Variants in SHB observed in about 807,000 individuals in gnomAD.
SHB encodes the protein SH2 domain containing adaptor protein B.
SHB carries 20 observed loss-of-function variants against 52.3 expected under a neutral mutation model. That is an observed-to-expected ratio of 0.38 (90% CI 0.27 to 0.56). The LOEUF (loss-of-function observed/expected upper bound fraction) is 0.56. Among genes scored for constraint, SHB ranks in the 20% least tolerant of loss-of-function variants. SHB has a pLI of 0.71. For missense variants in SHB, 825 were observed against 723.3 expected (o/e 1.14, Z -1.61); for synonymous variants, 397 against 316.5 (o/e 1.25, Z -2.70).
chr9:37,947,516 C>T (rs946799806), intron 5 of SHB, among the ~76,000 whole-genome samples: 1 of 152,252 alleles, frequency 6.6e-6, no homozygotes, highest in Non-Finnish European at 1.5e-5. Flanking sequence ...TCTCTCTTCT[C>T]TAGGTGGACT....
At chr9:38,021,243 G>A (rs1821279132) in intron 1 of SHB, among the ~76,000 whole-genome samples, 1 of 152,144 alleles carries the variant, frequency 6.6e-6, no homozygotes, top group African/African-American at 2.4e-5. Context: ...GGGAGGCTGA[G>A]GCAGGAGAAT....
chr9:38,034,310 AAC>A (rs1167494725), intron 1 of SHB, among the ~76,000 whole-genome samples: 3 of 152,228 alleles, frequency 2.0e-5, no homozygotes, highest in African/African-American at 7.2e-5. Context: ...CATGTGGTCT[AAC>A]ACAGCTTCCC....
chr9:38,044,795 T>C (rs1240737373), intron 1 of SHB, among the ~76,000 whole-genome samples: 1 of 152,228 alleles, frequency 6.6e-6, no homozygotes, highest in African/African-American at 2.4e-5. Flanking sequence ...AGATCACTTA[T>C]CTGACAAGCA....
At chr9:38,027,471 C>G (rs187149002) in intron 1 of SHB, among the ~76,000 whole-genome samples, 107 of 152,206 alleles carry the variant, frequency 7.0e-4, no homozygotes, top group Non-Finnish European at 1.2e-3. Context: ...ACAGGCCATG[C>G]CTTTTAGTCT....
At chr9:38,007,165 G>A (rs573713922) in intron 2 of SHB, among the ~76,000 whole-genome samples, 9 of 152,350 alleles carry the variant, frequency 5.9e-5, no homozygotes, top group African/African-American at 2.2e-4. Context: ...ATGAATGAAT[G>A]CACTGCATTT....
chr9:38,037,052 C>T (rs577329396), intron 1 of SHB, among the ~76,000 whole-genome samples: 20 of 152,278 alleles, frequency 1.3e-4, no homozygotes, highest in African/African-American at 4.6e-4. Flanking sequence ...TGCAGGACCC[C>T]GCAGCACGGG....
At chr9:37,920,948 T>G (rs546622616) in intron 5 of SHB, among the ~76,000 whole-genome samples, 1 of 152,132 alleles carries the variant, frequency 6.6e-6, no homozygotes, top group Non-Finnish European at 1.5e-5. Flanking sequence ...GCAGCCTGCC[T>G]GCATCAGCTC....
chr9:37,922,381 A>G (rs1423800572), intron 5 of SHB, among the ~76,000 whole-genome samples: 2 of 152,226 alleles, frequency 1.3e-5, no homozygotes, highest in African/African-American at 4.8e-5. Flanking sequence ...CTCTGTTCCC[A>G]GGTTAGGGGC....
At chr9:38,007,796 A>G (rs1429603953) in intron 2 of SHB, among the ~76,000 whole-genome samples, 1 of 152,218 alleles carries the variant, frequency 6.6e-6, no homozygotes, top group African/African-American at 2.4e-5. Flanking sequence ...AGTATGTAAT[A>G]TGCTAAATAA....
In SHB at chr9:37,999,464, T is replaced by C. The variant is rs546327390; in HGVS notation, c.838+16547A>G. The stretch of plus-strand genomic sequence containing the variant: ...TTTCAAATACACTAAAAAAAATTAT[T>C]TAAAGGTATATATGCTACAATTAGG... On this transcript the variant is annotated intron_variant, in intron 2 of 5. Transcript: ENST00000377707. Among the ~76,000 whole-genome samples, 12 of 152,252 alleles carry C rather than the reference T, an allele frequency of 7.9e-5. No individual in the cohort carries two copies. In the South Asian group the frequency reaches 2.3e-3, roughly 29 times the overall value.
intron 2 of SHB, among the ~76,000 whole-genome samples, chr9:37,998,737 G>A (rs1447191675): frequency 1.3e-5 from 2 of 152,240 alleles, no homozygotes; most frequent in Non-Finnish European, 2.9e-5. Flanking sequence ...ACAGGTGTGA[G>A]CTGCCCTGCC....
chr9:37,942,857 G>A (rs575557479), intron 5 of SHB, among the ~76,000 whole-genome samples: 1 of 152,102 alleles, frequency 6.6e-6, no homozygotes, highest in African/African-American at 2.4e-5. Flanking sequence ...CCCAGCTCTC[G>A]GTCTGTGCCA....
chr9:38,018,320 C>A (rs960399955), intron 1 of SHB, among the ~76,000 whole-genome samples: 10 of 152,128 alleles, frequency 6.6e-5, no homozygotes, highest in African/African-American at 2.4e-4. Flanking sequence ...TGTGATTCAG[C>A]AAGTGCTACC....
At chr9:37,946,140 G>T (rs1284821239) in intron 5 of SHB, among the ~76,000 whole-genome samples, 2 of 152,200 alleles carry the variant, frequency 1.3e-5, no homozygotes, top group African/African-American at 4.8e-5. Context: ...GGCCCCTATG[G>T]CGTGACTGGC....
At chr9:37,970,154 T>C (rs934762061) in intron 3 of SHB, among the ~76,000 whole-genome samples, 3 of 152,176 alleles carry the variant, frequency 2.0e-5, no homozygotes, top group East Asian at 1.9e-4. Context: ...GTCCTGGGGA[T>C]TGGGATCCGA....
intron 4 of SHB, among the ~76,000 whole-genome samples, chr9:37,949,185 C>G (rs112332676): frequency 6.6e-6 from 1 of 152,082 alleles, no homozygotes; most frequent in African/African-American, 2.4e-5. Flanking sequence ...CACCTGAGGT[C>G]AGTTCAAAAC....
rs567827624 is a variant in SHB, at chr9:37,947,034, C to A, written c.1346+1601G>T. On this transcript the variant is annotated intron_variant, in intron 5 of 5. Coordinates refer to ENST00000377707, the MANE Select transcript of SHB (RefSeq NM_003028.3). ...CGCCCCCCTGCTGCTGTCCTCTCCT[C>A]AGTCCAATTCCGCTCCTCTGGCTTT... Among the ~76,000 whole-genome samples the A allele has an allele frequency of 1.6e-4, 25 of 152,338 alleles. 3 individuals are homozygous for A. Among genetic ancestry groups the A allele is most frequent in the African/African-American group, 4.8e-4 (20 of 41,584 alleles).
intron 2 of SHB, among the ~76,000 whole-genome samples, chr9:37,988,427 T>C (rs1820838120): frequency 6.6e-6 from 1 of 152,172 alleles, no homozygotes. Flanking sequence ...CGGCTTCTTC[T>C]TGTAACTTGC....
intron 1 of SHB, among the ~76,000 whole-genome samples, chr9:38,034,684 G>A (rs142075801): frequency 6.6e-6 from 1 of 152,222 alleles, no homozygotes; most frequent in Non-Finnish European, 1.5e-5. Flanking sequence ...AGTACTTCAT[G>A]TTTTTGGTTT....
Sources: allele counts gnomAD v4.1 joint callset (sites outside exome capture counted in the v4.1 genomes callset), GRCh38; gene constraint gnomAD v4.1.1; transcripts MANE v1.5; gene names NCBI Gene and HGNC (gene_info 2026-07-23, HGNC 2026-07-21).